DSCAM: variants seen among roughly 807,000 people sequenced by gnomAD.
The protein encoded by DSCAM is cell adhesion molecule DSCAM.
In DSCAM, 47 loss-of-function variants were observed where a neutral mutation model predicts 217.7. The observed-to-expected ratio is 0.22, with a 90% confidence interval of 0.17 to 0.28. DSCAM has a LOEUF of 0.28. Among genes scored for constraint, DSCAM ranks in the 10% least tolerant of loss-of-function variants. The pLI, the probability that DSCAM is intolerant of heterozygous loss-of-function variation, is 1.00. For synonymous variants in DSCAM, 1,056 were observed against 1,015.3 expected, an observed-to-expected ratio of 1.04 and a Z score of -0.76; for missense variants, 2,080 against 2,618.3, an observed-to-expected ratio of 0.79 and a Z score of 4.49.
intron 6 of DSCAM, among the ~76,000 whole-genome samples, chr21:40,343,440 T>G (rs1474433002): frequency 6.6e-6 from 1 of 152,204 alleles, no homozygotes; most frequent in African/African-American, 2.4e-5. Flanking sequence ...TGCCACTCAT[T>G]AGGTCAAGGA....
At chr21:40,218,147 T>C (rs1458843885) in intron 11 of DSCAM, among the ~76,000 whole-genome samples, 2 of 152,190 alleles carry the variant, frequency 1.3e-5, no homozygotes, top group African/African-American at 4.8e-5. Flanking sequence ...ACGTCTTTAA[T>C]CTTTCTTGAG....
At chr21:40,481,231 T>C (rs2075979337) in intron 3 of DSCAM, among the ~76,000 whole-genome samples, 1 of 152,184 alleles carries the variant, frequency 6.6e-6, no homozygotes, top group African/African-American at 2.4e-5. Flanking sequence ...AGCTCACGCC[T>C]GTAATCCCAG....
intron 11 of DSCAM, among the ~76,000 whole-genome samples, chr21:40,198,249 A>G (rs1660801964): frequency 6.6e-6 from 1 of 152,210 alleles, no homozygotes; most frequent in South Asian, 2.1e-4. Context: ...TCTAAAATAT[A>G]AAGCTTTTTC....
At chr21:40,076,984 A>G (rs373996) in intron 26 of DSCAM, among the ~76,000 whole-genome samples, 99,596 of 152,160 alleles carry the variant, frequency 0.65, 32,784 homozygotes, top group South Asian at 0.84. Flanking sequence ...ACCATATTAC[A>G]GGGAGAGGCC....
chr21:40,766,688 A>AC lies in DSCAM; in HGVS notation c.44-57918dup, dbSNP rs1555886999. On this transcript the variant is annotated intron_variant, in intron 1 of 32. Transcript: ENST00000400454. Reference sequence around the variant, plus strand: ...CAATTCCAAAAAAAAAAAAAAAAAAACAACTTTTTTTTTTTTTTTGAGGCA... The same window carrying AC: ...CAATTCCAAAAAAAAAAAAAAAAAAACCAACTTTTTTTTTTTTTTTGAGGCA... Among the ~76,000 whole-genome samples the AC allele has an allele frequency of 8.9e-5, 10 of 112,592 alleles. No individual in the cohort carries two copies. In the East Asian group the frequency reaches 1.9e-3, roughly 22 times the overall value. 73.9% of individuals were successfully genotyped at this position (112,592 alleles called of 152,430 possible).
chr21:40,628,169 T>G (rs1432099490), intron 3 of DSCAM, among the ~76,000 whole-genome samples: 1 of 152,204 alleles, frequency 6.6e-6, no homozygotes, highest in African/African-American at 2.4e-5. Context: ...CCCAACCCTC[T>G]TTTCTGATCC....
At chr21:40,588,200 A>C (rs2076960311) in intron 3 of DSCAM, among the ~76,000 whole-genome samples, 1 of 152,266 alleles carries the variant, frequency 6.6e-6, no homozygotes, top group African/African-American at 2.4e-5. Flanking sequence ...CTGACTCCAA[A>C]GAACACTCAC....
intron 1 of DSCAM, among the ~76,000 whole-genome samples, chr21:40,769,457 G>A (rs975874664): frequency 6.6e-6 from 1 of 152,128 alleles, no homozygotes; most frequent in East Asian, 1.9e-4. Context: ...GATGAGGCCT[G>A]CATGCTGTGG....
In DSCAM at chr21:40,512,010, A is replaced by AAAAAAAAAAAAAAT. The variant is rs61560593; in HGVS notation, c.509-142766_509-142765insATTTTTTTTTTTTT. On this transcript the variant is annotated intron_variant, in intron 3 of 32. Transcript: ENST00000400454. Reference sequence around the variant, plus strand: ...TGTCTCAAAAAAAAAAAAAAAAAAAAGTATTCTATTTGAGGTCTTGCTTTT... The same window carrying AAAAAAAAAAAAAAT: ...TGTCTCAAAAAAAAAAAAAAAAAAAAAAAAAAAAAAAAATGTATTCTATTTGAGGTCTTGCTTTT... Among the ~76,000 whole-genome samples, 71 of 106,412 alleles carry AAAAAAAAAAAAAAT rather than the reference A, an allele frequency of 6.7e-4. 11 individuals carry two copies. Among genetic ancestry groups the AAAAAAAAAAAAAAT allele is most frequent in the Non-Finnish European group, 7.4e-4 (40 of 54,104 alleles). The allele number at this position is 106,412 out of a possible 152,430, so 69.8% of individuals were successfully genotyped here. A position where few individuals can be genotyped will look rare whatever the true frequency, so the allele number is the denominator to read the frequency against.
At chr21:40,071,772 T>C (rs1392954212) in intron 27 of DSCAM, among the ~76,000 whole-genome samples, 3 of 152,268 alleles carry the variant, frequency 2.0e-5, no homozygotes, top group Admixed American at 1.3e-4. Flanking sequence ...GCACAGAGTC[T>C]GTACCTTATG....
rs868524115 is a variant in DSCAM, at chr21:40,574,929, A to G, written c.508+117881T>C. 3.5e-4 allele frequency among the ~76,000 whole-genome samples: 54 copies of G among 152,222 alleles called. No homozygotes were observed. The Middle Eastern group carries it at 0.01, about 29-fold the overall frequency. On this transcript the variant is annotated intron_variant, in intron 3 of 32. Coordinates refer to ENST00000400454, the MANE Select transcript of DSCAM (RefSeq NM_001389.5). ...CATTAGTAATCACTACCATCTCAAA[A>G]CAATTATACAATTTGATTTCTAGAA...
chr21:40,450,743 A>G (rs554354606), intron 3 of DSCAM, among the ~76,000 whole-genome samples: 1 of 152,320 alleles, frequency 6.6e-6, no homozygotes, highest in South Asian at 2.1e-4. Context: ...TATCAAAGGT[A>G]AGTTTTGTTG....
chr21:40,207,431 G>A (rs999098667), intron 11 of DSCAM, among the ~76,000 whole-genome samples: 3 of 152,054 alleles, frequency 2.0e-5, no homozygotes, highest in African/African-American at 7.2e-5. Flanking sequence ...AGTTTGGCCA[G>A]GTGTAAAAAT....
chr21:40,481,575 C>G (rs2075983539), intron 3 of DSCAM, among the ~76,000 whole-genome samples: 1 of 150,194 alleles, frequency 6.7e-6, no homozygotes, highest in Non-Finnish European at 1.5e-5. Flanking sequence ...AAAGGAAAGC[C>G]TTGCTCAGGA....
chr21:40,787,842 A>G (rs2091607500), intron 1 of DSCAM, among the ~76,000 whole-genome samples: 1 of 152,204 alleles, frequency 6.6e-6, no homozygotes, highest in Non-Finnish European at 1.5e-5. Flanking sequence ...ACACTATGAC[A>G]TTAATCTTCT....
chr21:40,265,383 T>C (rs1048920498), intron 11 of DSCAM, among the ~76,000 whole-genome samples: 14 of 152,002 alleles, frequency 9.2e-5, no homozygotes, highest in Non-Finnish European at 1.8e-4. Context: ...CCCATGTTCA[T>C]AGATTGAAAG....
intron 3 of DSCAM, among the ~76,000 whole-genome samples, chr21:40,461,132 A>G (rs1313629494): frequency 6.7e-6 from 1 of 149,176 alleles, no homozygotes; most frequent in Non-Finnish European, 1.5e-5. Context: ...GAAAGAAAAA[A>G]CATGAATGAA....
chr21:40,339,316 G>A lies in DSCAM; in HGVS notation c.1310C>T (p.Thr437Met), dbSNP rs1487809127. The change falls in exon 7 of 33, where the codon ACG becomes ATG. Residue 437 changes from threonine (T) to methionine (M), a missense_variant. Physicochemically the swap from Thr to Met is moderately conservative, Grantham distance 81. Around this residue, in one of 5 missense-constraint regions of DSCAM, gnomAD observed 568 missense variants for 678.1 expected, o/e 0.84. Transcript: ENST00000400454. ...MCNVKGTPLP[T>M]ITWTLDDDPI... is the part of the protein sequence containing the mutation. Reference sequence around the variant, plus strand: ...GTCATCGTCCAGGGTCCACGTGATCGTGGGCAAAGGTGTTCCCTTCACGTT... The same window carrying A: ...GTCATCGTCCAGGGTCCACGTGATCATGGGCAAAGGTGTTCCCTTCACGTT... 33 of 1,614,034 alleles carry A rather than the reference G, an allele frequency of 2.0e-5. No homozygotes were observed. Among genetic ancestry groups the A allele is most frequent in the Non-Finnish European group, 2.8e-5 (33 of 1,180,038 alleles).
chr21:40,673,784 C>A (rs2090305236), intron 3 of DSCAM, among the ~76,000 whole-genome samples: 2 of 152,128 alleles, frequency 1.3e-5, no homozygotes, highest in Admixed American at 6.5e-5. Flanking sequence ...ACCATGTGAA[C>A]TTTCTGCTCC....
Sources: allele counts gnomAD v4.1 joint callset (sites outside exome capture counted in the v4.1 genomes callset), GRCh38; gene constraint gnomAD v4.1.1; regional missense constraint gnomAD v4.1.1; transcripts MANE v1.5; gene names NCBI Gene and HGNC (gene_info 2026-07-23, HGNC 2026-07-21).